CYP7B1: variants seen among roughly 807,000 people sequenced by gnomAD.
CYP7B1 encodes cytochrome P450 family 7 subfamily B member 1, also known as cytochrome P450 7B1.
CYP7B1 carries 29 observed loss-of-function variants against 42.7 expected under a neutral mutation model. That is an observed-to-expected ratio of 0.68 (90% CI 0.51 to 0.93). The LOEUF (loss-of-function observed/expected upper bound fraction) is 0.93. Among genes scored for constraint, CYP7B1 ranks in the 40% least tolerant of loss-of-function variants. CYP7B1 has a pLI of 0.00. For synonymous variants in CYP7B1, 235 were observed against 218.2 expected (o/e 1.08, Z -0.68); for missense variants, 655 against 600.5 (o/e 1.09, Z -0.95).
intron 1 of CYP7B1, among the ~76,000 whole-genome samples, chr8:64,772,925 T>C (rs1276584796): frequency 1.3e-5 from 2 of 152,178 alleles, no homozygotes; most frequent in Non-Finnish European, 2.9e-5. Flanking sequence ...TCTCCACTGA[T>C]ATCCCATCTC....
In CYP7B1 at chr8:64,754,723, T is replaced by G. The variant is rs1266607371; in HGVS notation, c.122+43743A>C. On this transcript the variant is annotated intron_variant, in intron 1 of 5. Transcript: ENST00000310193. ...AGCTACAAAGGCCTTGACAGTAGTCTGAACTTTGCCATGGTGATGAAAAGC... is the reference window on the plus strand; with the variant it reads ...AGCTACAAAGGCCTTGACAGTAGTCGGAACTTTGCCATGGTGATGAAAAGC... Among the ~76,000 whole-genome samples, 6 of 152,180 alleles carry G rather than the reference T, an allele frequency of 3.9e-5. No homozygotes were observed. In the South Asian group the frequency reaches 8.3e-4, roughly 21 times the overall value.
chr8:64,713,510 A>G (rs1010585507), intron 1 of CYP7B1, among the ~76,000 whole-genome samples: 1 of 152,170 alleles, frequency 6.6e-6, no homozygotes, highest in Non-Finnish European at 1.5e-5. Flanking sequence ...TGAACTTGAA[A>G]AGAAAGAAAT....
chr8:64,798,624 C>A lies in CYP7B1; in HGVS notation c.-37G>T. 1 of 1,448,300 alleles carries A rather than the reference C, an allele frequency of 6.9e-7. No individual in the cohort carries two copies. The highest frequency in any genetic ancestry group is 1.4e-5 in the South Asian group (1 of 72,976). The allele number at this position is 1,448,300 out of a possible 1,614,324, so 89.7% of individuals were successfully genotyped here. A position where few individuals can be genotyped will look rare whatever the true frequency, so the allele number is the denominator to read the frequency against. ...TAGGCCGCGGTGGGCAGCCCGGGGTCTGCCTGCGAACAGCGCGGTCGGCGA... is the reference window on the plus strand; with the variant it reads ...TAGGCCGCGGTGGGCAGCCCGGGGTATGCCTGCGAACAGCGCGGTCGGCGA... On this transcript the variant is annotated 5_prime_UTR_variant, in exon 1 of 6. Coordinates refer to ENST00000310193, the MANE Select transcript of CYP7B1 (RefSeq NM_004820.5).
intron 1 of CYP7B1, among the ~76,000 whole-genome samples, chr8:64,675,973 T>G (rs538844873): frequency 6.6e-6 from 1 of 152,252 alleles, no homozygotes; most frequent in East Asian, 1.9e-4. Flanking sequence ...CAGAGCTCCT[T>G]GAAGGCAGGG....
intron 1 of CYP7B1, among the ~76,000 whole-genome samples, chr8:64,794,861 C>T (rs1338679090): frequency 1.3e-5 from 2 of 152,032 alleles, no homozygotes; most frequent in African/African-American, 2.4e-5. Flanking sequence ...AATGTATCTG[C>T]GTGCTAAAAC....
At position 64,592,463 on chromosome 8, in the gene CYP7B1, C is replaced by G. The variant is rs534470134; in HGVS notation, c.*4179G>C. On this transcript the variant is annotated 3_prime_UTR_variant, in exon 6 of 6. Transcript: ENST00000310193. The stretch of plus-strand genomic sequence containing the variant: ...ACTGCATTTATAATAAATTAGTTGC[C>G]TACGTATTGTTTTCCCTAACAAATA... Among the ~76,000 whole-genome samples the G allele has an allele frequency of 6.6e-6, 1 of 152,250 alleles. No homozygotes were observed. The highest frequency in any genetic ancestry group is 2.1e-4 in the South Asian group (1 of 4,826).
At chr8:64,597,912 A>C (rs1176276289) in intron 5 of CYP7B1, among the ~76,000 whole-genome samples, 1 of 152,238 alleles carries the variant, frequency 6.6e-6, no homozygotes, top group East Asian at 1.9e-4. Context: ...ACGAATGCAA[A>C]AAAGTAGGTC....
chr8:64,752,932 C>A lies in CYP7B1; in HGVS notation c.122+45534G>T, dbSNP rs574404214. On this transcript the variant is annotated intron_variant, in intron 1 of 5. Transcript: ENST00000310193. ...GTAATTTACTATTCATATACTACTT[C>A]TGCTACATATTAAAGAGATCAGAAG... Among the ~76,000 whole-genome samples, 9 of 152,252 alleles carry A rather than the reference C, an allele frequency of 5.9e-5. No individual in the cohort carries two copies. In the South Asian group the frequency reaches 1.9e-3, roughly 32 times the overall value.
chr8:64,605,282 T>A (rs909979283), intron 4 of CYP7B1, among the ~76,000 whole-genome samples: 2 of 152,218 alleles, frequency 1.3e-5, no homozygotes, highest in African/African-American at 2.4e-5. Context: ...AATAACCACT[T>A]AGGCAGTTAA....
rs1373197517 is a variant in CYP7B1, at chr8:64,798,477, G to C, written c.111C>G (p.Val37=). 5.2e-5 allele frequency: 79 copies of C among 1,512,854 alleles called. No homozygotes were observed. Among genetic ancestry groups the C allele is most frequent in the African/African-American group, 7.2e-5 (5 of 69,842 alleles). The allele number at this position is 1,512,854 out of a possible 1,614,324, so 93.7% of individuals were successfully genotyped here. The part of the protein sequence containing the change: ...ALLLLALCLL[V]RRTRRPGEPP... ...GCCGAGGCGCTTACCTGGTGCGCCGGACAAGCAAGCAGAGGGCCAGGAGCA... is the reference window on the plus strand; with the variant it reads ...GCCGAGGCGCTTACCTGGTGCGCCGCACAAGCAAGCAGAGGGCCAGGAGCA... Residue 37 remains valine, a synonymous_variant, in exon 1 of 6, where the codon GTC becomes GTG. Transcript: ENST00000310193.
chr8:64,700,363 G>T (rs1806897135), intron 1 of CYP7B1, among the ~76,000 whole-genome samples: 1 of 151,982 alleles, frequency 6.6e-6, no homozygotes, highest in African/African-American at 2.4e-5. Context: ...GGCACAAAAG[G>T]TCCATTATCT....
chr8:64,666,809 G>A (rs895524783), intron 1 of CYP7B1, among the ~76,000 whole-genome samples: 1 of 152,120 alleles, frequency 6.6e-6, no homozygotes, highest in African/African-American at 2.4e-5. Flanking sequence ...ATTACATACA[G>A]CACCCAAACA....
At chr8:64,647,147 A>T (rs1429920719) in intron 1 of CYP7B1, among the ~76,000 whole-genome samples, 2 of 152,128 alleles carry the variant, frequency 1.3e-5, no homozygotes, top group African/African-American at 4.8e-5. Flanking sequence ...GAGGAGAGAG[A>T]AAAAGATGGG....
chr8:64,728,247 C>T (rs1807351843), intron 1 of CYP7B1: 1 of 152,192 alleles, frequency 6.6e-6, no homozygotes, highest in Non-Finnish European at 1.5e-5. Flanking sequence ...TAGGCACTTA[C>T]TAGACTGGTT....
chr8:64,770,884 T>C (rs567044501), intron 1 of CYP7B1, among the ~76,000 whole-genome samples: 4 of 152,142 alleles, frequency 2.6e-5, no homozygotes, highest in Non-Finnish European at 5.9e-5. Flanking sequence ...GTTGATCATT[T>C]AGTTCAAAGA....
chr8:64,730,105 AGGCT>A (rs1432935191), intron 1 of CYP7B1, among the ~76,000 whole-genome samples: 1 of 152,198 alleles, frequency 6.6e-6, no homozygotes, highest in African/African-American at 2.4e-5. Flanking sequence ...TCTGTCACCC[AGGCT>A]GGAATGCAGT....
chr8:64,779,008 A>G (rs55666601), intron 1 of CYP7B1, among the ~76,000 whole-genome samples: 41,054 of 152,046 alleles, frequency 0.27, 6,855 homozygotes, highest in African/African-American at 0.47. Context: ...TTTGTTCTTA[A>G]GCTTAATATA....
At position 64,798,677 on chromosome 8, in the gene CYP7B1, G is replaced by A. The variant is rs1563432973; in HGVS notation, c.-90C>T. The A allele has an allele frequency of 2.9e-6, 4 of 1,375,252 alleles. No homozygotes were observed. The highest frequency in any genetic ancestry group is 2.8e-6 in the Non-Finnish European group (3 of 1,061,496). The allele number at this position is 1,375,252 out of a possible 1,614,324, so 85.2% of individuals were successfully genotyped here. A position where few individuals can be genotyped will look rare whatever the true frequency, so the allele number is the denominator to read the frequency against. On this transcript the variant is annotated 5_prime_UTR_variant, in exon 1 of 6. Transcript: ENST00000310193. ...CTGCAGCCTGCGGCGGCTTCTCTCG[G>A]CGGCGCCCCCTAGTCCAGGGCCGGA... is the stretch of plus-strand genomic sequence containing the variant.
intron 1 of CYP7B1, among the ~76,000 whole-genome samples, chr8:64,775,468 ATTGATTTTATTTAAGGATAG>A (rs997411715): frequency 2.6e-5 from 4 of 152,122 alleles, no homozygotes; most frequent in African/African-American, 9.7e-5. Flanking sequence ...ATGATTGGGC[ATTGATTTTATTTAAGGATAG>A]TTCTTTCCTT....
Sources: gnomAD v4.1 joint callset for allele counts (sites outside exome capture counted in the v4.1 genomes callset) on GRCh38, gnomAD v4.1.1 for gene constraint, MANE v1.5 for transcripts, NCBI Gene and HGNC (gene_info 2026-07-23, HGNC 2026-07-21) for gene names.